ZNF366: variants seen among roughly 807,000 people sequenced by gnomAD.
ZNF366 encodes dendritic cell-specific transcript protein.
ZNF366 carries 20 observed loss-of-function variants against 47.2 expected under a neutral mutation model. That is an observed-to-expected ratio of 0.42 (90% CI 0.30 to 0.62). ZNF366 has a LOEUF of 0.62. ZNF366 is among the 20% of genes least tolerant of loss of function. The pLI, the probability that ZNF366 is intolerant of heterozygous loss-of-function variation, is 0.16. For missense variants in ZNF366, 987 were observed against 976.3 expected (o/e 1.01, Z -0.15); for synonymous variants, 421 against 395.1 (o/e 1.07, Z -0.78).
chr5:72,505,086 T>C (rs1442375042), intron 1 of ZNF366, among the ~76,000 whole-genome samples: 2 of 152,246 alleles, frequency 1.3e-5, no homozygotes, highest in Admixed American at 1.3e-4. Flanking sequence ...AATTTAGTTA[T>C]GTGTACAGTT....
At chr5:72,505,048 A>G (rs1269231575) in intron 1 of ZNF366, among the ~76,000 whole-genome samples, 1 of 152,242 alleles carries the variant, frequency 6.6e-6, no homozygotes, top group Non-Finnish European at 1.5e-5. Flanking sequence ...ACATCCTAAC[A>G]TAATTTAAAA....
intron 1 of ZNF366, among the ~76,000 whole-genome samples, chr5:72,505,625 C>G (rs1258218650): frequency 6.6e-6 from 1 of 152,176 alleles, no homozygotes; most frequent in Non-Finnish European, 1.5e-5. Context: ...AGAATGTGTT[C>G]TGTGATGTTG....
chr5:72,451,672 G>A (rs1743073769), intron 3 of ZNF366, among the ~76,000 whole-genome samples: 1 of 152,240 alleles, frequency 6.6e-6, no homozygotes. Context: ...TAAAGGAAGA[G>A]CCAAATGAGG....
chr5:72,451,040 C>T (rs1295326808), intron 3 of ZNF366, among the ~76,000 whole-genome samples: 2 of 152,214 alleles, frequency 1.3e-5, no homozygotes, highest in Non-Finnish European at 1.5e-5. Flanking sequence ...AGAAAAGCAG[C>T]CATTGAAGTC....
At chr5:72,483,973 A>G (rs1743837683) in intron 1 of ZNF366, among the ~76,000 whole-genome samples, 1 of 152,200 alleles carries the variant, frequency 6.6e-6, no homozygotes, top group Non-Finnish European at 1.5e-5. Flanking sequence ...ATGAAAGTAG[A>G]CAGAATAATA....
chr5:72,467,144 C>T (rs1743445169), intron 1 of ZNF366, among the ~76,000 whole-genome samples: 1 of 152,208 alleles, frequency 6.6e-6, no homozygotes, highest in Admixed American at 6.5e-5. Flanking sequence ...TTAGAATAAT[C>T]ATACATTTTC....
At chr5:72,475,476 T>C (rs761403468) in intron 1 of ZNF366, among the ~76,000 whole-genome samples, 1 of 152,238 alleles carries the variant, frequency 6.6e-6, no homozygotes, top group Non-Finnish European at 1.5e-5. Flanking sequence ...CACTAAATTC[T>C]CTTAAACTTT....
chr5:72,474,878 A>T (rs959234272), intron 1 of ZNF366, among the ~76,000 whole-genome samples: 7 of 152,240 alleles, frequency 4.6e-5, no homozygotes, highest in African/African-American at 1.7e-4. Flanking sequence ...TTATTGAATA[A>T]TAATTCCTAA....
intron 1 of ZNF366, among the ~76,000 whole-genome samples, chr5:72,487,583 C>G (rs11955665): frequency 0.13 from 19,346 of 152,028 alleles, 1,577 homozygotes; most frequent in East Asian, 0.34. Flanking sequence ...TCTTTGGCTT[C>G]TGGGATACTC....
At chr5:72,457,987 T>C (rs1038906174) in intron 2 of ZNF366, among the ~76,000 whole-genome samples, 1 of 151,876 alleles carries the variant, frequency 6.6e-6, no homozygotes, top group Non-Finnish European at 1.5e-5. Flanking sequence ...TCTTAATGGA[T>C]TTTAAATTTT....
chr5:72,443,992 T>C lies in ZNF366; in HGVS notation c.1999A>G (p.Lys667Glu). Residue 667 changes from lysine (K) to glutamate (E), a missense_variant, in exon 5 of 5, where the codon AAG (lysine) becomes GAG (glutamate). By Grantham distance (56) the Lys-to-Glu change is moderately conservative. Transcript: ENST00000318442. ...CATTCTCCCTTGGATGCATCCTCCT[T>C]CTCCTCCTTGCAGGCTTCCTCCAGC... The part of the protein sequence containing the change: ...EVLEEACKEE[K>E]EDASKGEWEK... The C allele has an allele frequency of 6.2e-7, 1 of 1,614,090 alleles. No homozygotes were observed. Among genetic ancestry groups the C allele is most frequent in the Non-Finnish European group, 8.5e-7 (1 of 1,179,994 alleles).
chr5:72,507,151 G>GT (rs1561208573), intron 1 of ZNF366, 100 bp downstream of exon 1: 1 of 898,704 alleles, frequency 1.1e-6, no homozygotes, highest in East Asian at 1.2e-4. Flanking sequence ...CTTTGGTTAA[G>GT]GACTACTCCC....
intron 1 of ZNF366, among the ~76,000 whole-genome samples, chr5:72,468,228 T>C (rs1163346694): frequency 6.6e-6 from 1 of 152,200 alleles, no homozygotes; most frequent in Non-Finnish European, 1.5e-5. Flanking sequence ...AAAAAGTGAA[T>C]GTTCTGCCTC....
chr5:72,484,483 C>CAACAAAAAAAAAAAAAAAAAAAA (rs1743852102), intron 1 of ZNF366, among the ~76,000 whole-genome samples: 1 of 130,000 alleles, frequency 7.7e-6, no homozygotes, highest in African/African-American at 2.9e-5. Flanking sequence ...GACTCCGTCT[C>CAACAAAAAAAAAAAAAAAAAAAA]AAAAAAAAAA....
At chr5:72,484,713 T>C (rs1490366418) in intron 1 of ZNF366, among the ~76,000 whole-genome samples, 1 of 152,074 alleles carries the variant, frequency 6.6e-6, no homozygotes, top group Non-Finnish European at 1.5e-5. Flanking sequence ...GGAAAAACTA[T>C]TTGGACTTCC....
intron 1 of ZNF366, among the ~76,000 whole-genome samples, chr5:72,466,031 G>C (rs762553614): frequency 1.2e-4 from 18 of 152,126 alleles, no homozygotes; most frequent in Non-Finnish European, 2.1e-4. Flanking sequence ...AGGGGGACTG[G>C]GTTGTGATCA....
In ZNF366 at chr5:72,484,494, A is replaced by AAT. The variant is rs1296039839; in HGVS notation, c.-15+22756_-15+22757insAT. Among the ~76,000 whole-genome samples, 888 of 150,116 alleles carry AAT rather than the reference A, an allele frequency of 5.9e-3. 5 individuals carry two copies. The highest frequency in any genetic ancestry group is 8.8e-3 in the East Asian group (45 of 5,134). The stretch of plus-strand genomic sequence containing the variant: ...GCGAGACTCCGTCTCAAAAAAAAAA[A>AAT]AAATAATAATAATAATAATAATTTC... On this transcript the variant is annotated intron_variant, in intron 1 of 4. Coordinates refer to ENST00000318442, the MANE Select transcript of ZNF366 (RefSeq NM_152625.3).
rs1390436603 is a variant in ZNF366, at chr5:72,443,774, TG to T, written c.2216del (p.Ala739GlufsTer4). 6.2e-6 allele frequency: 10 copies of T among 1,613,190 alleles called. No individual in the cohort carries two copies. The African/African-American group carries it at 1.3e-4, about 22-fold the overall frequency. On this transcript the variant is annotated frameshift_variant, in exon 5 of 5. Coordinates refer to ENST00000318442, the MANE Select transcript of ZNF366 (RefSeq NM_152625.3). LOFTEE classifies it high-confidence loss of function. Reference sequence around the variant, plus strand: ...TGTCCACTTAGATACCTAAAAGCACTGCTTGTTTTTCCATTTTCCTCTCCAG... The same window carrying T: ...TGTCCACTTAGATACCTAAAAGCACTCTTGTTTTTCCATTTTCCTCTCCAG... ...ELLERKMEKQ[A>X]VLLGI
chr5:72,465,325 AAAC>A (rs1223980425), intron 1 of ZNF366, among the ~76,000 whole-genome samples: 11 of 152,252 alleles, frequency 7.2e-5, no homozygotes, highest in East Asian at 3.9e-4. Context: ...CGAGGTGGTG[AAAC>A]AACAACAACA....
Sources: gnomAD v4.1 joint callset for allele counts (sites outside exome capture counted in the v4.1 genomes callset) on GRCh38, gnomAD v4.1.1 for gene constraint, MANE v1.5 for transcripts, NCBI Gene and HGNC (gene_info 2026-07-23, HGNC 2026-07-21) for gene names.